BMPER: variants seen among roughly 807,000 people sequenced by gnomAD.
BMPER encodes BMP binding endothelial regulator.
BMPER carries 45 observed loss-of-function variants against 87.3 expected under a neutral mutation model. The observed-to-expected ratio is 0.52, with a 90% CI of 0.41 to 0.66. BMPER has a LOEUF of 0.66. Ranked by LOEUF, BMPER falls within the 30% of genes least tolerant of loss-of-function variation. The pLI, the probability that BMPER is intolerant of heterozygous loss-of-function variation, is 0.00. For missense variants in BMPER, 784 were observed against 867.5 expected (o/e 0.90, Z 1.21); for synonymous variants, 326 against 316.2 (o/e 1.03, Z -0.33).
intron 6 of BMPER, among the ~76,000 whole-genome samples, chr7:34,044,365 A>G (rs1034900857): frequency 3.9e-5 from 6 of 152,236 alleles, no homozygotes; most frequent in African/African-American, 1.4e-4. Flanking sequence ...AAGAACAGAG[A>G]ATATGAATGA....
chr7:33,995,283 A>G (rs764558336), intron 6 of BMPER, among the ~76,000 whole-genome samples: 15 of 152,166 alleles, frequency 9.9e-5, no homozygotes, highest in Non-Finnish European at 2.2e-4. Context: ...GATAAAGAGC[A>G]AGAGGCTCTC....
At position 34,000,933 on chromosome 7, in the gene BMPER, T is replaced by C. The variant is rs117270797; in HGVS notation, c.576+26149T>C. On this transcript the variant is annotated intron_variant, in intron 6 of 14. Coordinates refer to ENST00000649409, the MANE Select transcript of BMPER (RefSeq NM_001365308.1). ...GATTTTGTTAAATGCATTTTCTGCA[T>C]CTATTGAGATGATCTTGTGGTTTTT... is the stretch of plus-strand genomic sequence containing the variant. Among the ~76,000 whole-genome samples the C allele has an allele frequency of 2.2e-4, 34 of 152,172 alleles. No homozygotes were observed. The East Asian group carries it at 6.6e-3, about 29-fold the overall frequency.
chr7:33,920,414 C>T (rs896428986), intron 2 of BMPER, among the ~76,000 whole-genome samples: 7 of 104,668 alleles, frequency 6.7e-5, no homozygotes, highest in Admixed American at 1.2e-4. Flanking sequence ...AGGGAAACTC[C>T]GTTGTGTTTT....
intron 6 of BMPER, among the ~76,000 whole-genome samples, chr7:34,006,149 T>C (rs761008825): frequency 2.0e-5 from 3 of 152,050 alleles, no homozygotes; most frequent in Non-Finnish European, 2.9e-5. Context: ...TAAAAAAAAT[T>C]AAATAAACTG....
At chr7:34,108,907 T>C (rs1226648079) in intron 13 of BMPER, among the ~76,000 whole-genome samples, 1 of 152,178 alleles carries the variant, frequency 6.6e-6, no homozygotes, top group Non-Finnish European at 1.5e-5. Flanking sequence ...AAGCCTACAA[T>C]ATTTCTTGCA....
intron 3 of BMPER, chr7:33,940,026 G>C (rs751686087): frequency 1.7e-5 from 4 of 240,286 alleles, no homozygotes; most frequent in Middle Eastern, 4.6e-4. Flanking sequence ...ATTTTGGTGA[G>C]TTTTTTTTTT....
intron 13 of BMPER, among the ~76,000 whole-genome samples, chr7:34,128,922 C>T (rs546600581): frequency 6.6e-6 from 1 of 152,222 alleles, no homozygotes; most frequent in South Asian, 2.1e-4. Flanking sequence ...TAGATATTCC[C>T]TAAGGTCTTT....
chr7:34,079,171 G>T lies in BMPER; in HGVS notation c.1393G>T (p.Val465Leu). The change falls in exon 12 of 15, where the codon GTG (valine) becomes TTG (leucine). Residue 465 changes from valine (V) to leucine (L), a missense_variant. Coordinates refer to ENST00000649409, the MANE Select transcript of BMPER (RefSeq NM_001365308.1). The part of the protein sequence containing the change: ...HIDLDGYLLK[V>L]TTKAGLEISW... ...CGACCTGGATGGCTACCTCTTGAAA[G>T]TGACCACCAAAGCAGGTGGGGCGTC... 1 of 1,613,726 alleles carries T rather than the reference G, an allele frequency of 6.2e-7. No individual in the cohort carries two copies. Among genetic ancestry groups the T allele is most frequent in the East Asian group, 2.2e-5 (1 of 44,868 alleles).
chr7:34,000,923 A>G (rs542458508), intron 6 of BMPER, among the ~76,000 whole-genome samples: 1 of 151,764 alleles, frequency 6.6e-6, no homozygotes, highest in South Asian at 2.1e-4. Flanking sequence ...TGTTAAATGC[A>G]TTTTCTGCAT....
chr7:33,948,664 GTC>G (rs1490811509), intron 3 of BMPER, among the ~76,000 whole-genome samples: 2 of 152,124 alleles, frequency 1.3e-5, no homozygotes, highest in African/African-American at 4.8e-5. Context: ...CCTTTGTTCT[GTC>G]TCCTGCTGGC....
chr7:34,124,428 C>T (rs1408983372), intron 13 of BMPER, among the ~76,000 whole-genome samples: 1 of 145,664 alleles, frequency 6.9e-6, no homozygotes, highest in Non-Finnish European at 1.5e-5. Flanking sequence ...TGTTAGCTTT[C>T]CATAGGTTTT....
chr7:34,023,120 T>C (rs1317988189), intron 6 of BMPER, among the ~76,000 whole-genome samples: 1 of 152,042 alleles, frequency 6.6e-6, no homozygotes, highest in Non-Finnish European at 1.5e-5. Flanking sequence ...ATCTCCTTCA[T>C]GTTGTAGGCC....
chr7:34,155,046 T>C lies in BMPER; in HGVS notation c.*1773T>C, dbSNP rs1398018601. ...TGTAACACAAAGAGGCCATGTAGTA[T>C]AGTGAGCAGGGTTGAGAATCGGGAA... On this transcript the variant is annotated 3_prime_UTR_variant, in exon 15 of 15. Coordinates refer to ENST00000649409, the MANE Select transcript of BMPER (RefSeq NM_001365308.1). 1 of 152,200 alleles carries C rather than the reference T, an allele frequency of 6.6e-6. No individual in the cohort carries two copies. Among genetic ancestry groups the C allele is most frequent in the Non-Finnish European group, 1.5e-5 (1 of 68,038 alleles). 9.4% of individuals were successfully genotyped at this position (152,200 alleles called of 1,614,324 possible).
At chr7:34,052,251 T>G (rs1363510132) in intron 8 of BMPER, among the ~76,000 whole-genome samples, 1 of 152,182 alleles carries the variant, frequency 6.6e-6, no homozygotes, top group Non-Finnish European at 1.5e-5. Context: ...GACAAATACA[T>G]ACGGCTGTGC....
At chr7:33,987,614 C>G (rs1235851505) in intron 6 of BMPER, among the ~76,000 whole-genome samples, 1 of 152,108 alleles carries the variant, frequency 6.6e-6, no homozygotes, top group African/African-American at 2.4e-5. Context: ...GGCCCCATGG[C>G]AGGTATAAGT....
chr7:34,003,099 T>C (rs1009984922), intron 6 of BMPER, among the ~76,000 whole-genome samples: 2 of 151,812 alleles, frequency 1.3e-5, no homozygotes, highest in Non-Finnish European at 3.0e-5. Flanking sequence ...AGTTCCTCCA[T>C]TACTATCATA....
intron 6 of BMPER, among the ~76,000 whole-genome samples, chr7:34,001,508 A>G (rs1377349484): frequency 6.7e-6 from 1 of 149,454 alleles, no homozygotes; most frequent in Non-Finnish European, 1.5e-5. Flanking sequence ...ACTTTTCTAC[A>G]GTCAGCAGCA....
intron 3 of BMPER, among the ~76,000 whole-genome samples, chr7:33,940,914 GTATATATTTATATAT>G (rs1562643181): frequency 8.0e-6 from 1 of 125,128 alleles, no homozygotes; most frequent in Admixed American, 8.5e-5. Context: ...ATTACATATT[GTATATATTTATATAT>G]AATAGAATTT....
At chr7:33,931,396 T>C (rs1784478934) in intron 2 of BMPER, among the ~76,000 whole-genome samples, 1 of 152,252 alleles carries the variant, frequency 6.6e-6, no homozygotes, top group African/African-American at 2.4e-5. Flanking sequence ...AGCCTCATTG[T>C]GTGCCATTTC....
Sources: gnomAD v4.1 joint callset for allele counts (sites outside exome capture counted in the v4.1 genomes callset) on GRCh38, gnomAD v4.1.1 for gene constraint, MANE v1.5 for transcripts, NCBI Gene and HGNC (gene_info 2026-07-23, HGNC 2026-07-21) for gene names.